The following TANC2 variants were observed in gnomAD, a reference collection of about 807,000 sequenced individuals.
TANC2 encodes the protein tetratricopeptide repeat, ankyrin repeat and coiled-coil containing 2.
A neutral mutation model predicts 210.5 loss-of-function variants in TANC2; 26 were observed. The ratio of observed to expected loss-of-function variants is 0.12; its 90% confidence interval spans 0.09 to 0.17. The LOEUF (loss-of-function observed/expected upper bound fraction) is 0.17, where lower values mean the gene tolerates loss of function less well. TANC2 is among the 10% of genes least tolerant of loss of function. TANC2 has a pLI of 1.00. For missense variants in TANC2, 2,129 were observed against 2,608.9 expected (o/e 0.82, Z 4.01); for synonymous variants, 931 against 967.1 (o/e 0.96, Z 0.69).
intron 3 of TANC2, among the ~76,000 whole-genome samples, chr17:63,087,728 G>T (rs2037027806): frequency 6.6e-6 from 1 of 152,026 alleles, no homozygotes; most frequent in Non-Finnish European, 1.5e-5. Context: ...TCAGAATTTT[G>T]ATTTCTCAGG....
chr17:62,977,591 A>G (rs2032078340), intron 1 of TANC2, among the ~76,000 whole-genome samples: 1 of 151,846 alleles, frequency 6.6e-6, no homozygotes, highest in African/African-American at 2.4e-5. Flanking sequence ...ATTACTTATA[A>G]TGGGCAGCTG....
chr17:63,262,485 C>T (rs2043394345), intron 8 of TANC2, among the ~76,000 whole-genome samples: 1 of 152,190 alleles, frequency 6.6e-6, no homozygotes. Flanking sequence ...CCACCGCACC[C>T]AGCTGATATT....
intron 7 of TANC2, among the ~76,000 whole-genome samples, chr17:63,203,815 T>G (rs1024060549): frequency 6.6e-6 from 1 of 151,652 alleles, no homozygotes; most frequent in Non-Finnish European, 1.5e-5. Flanking sequence ...GTCAGATAAA[T>G]AGGAGAAAAC....
intron 21 of TANC2, 101 bp from the exon 22 acceptor site, chr17:63,411,410 C>A: frequency 8.6e-7 from 1 of 1,161,498 alleles, no homozygotes; most frequent in Non-Finnish European, 1.2e-6. Flanking sequence ...AGTCCAGAAA[C>A]GAGCAGTGTT....
At chr17:63,260,051 AG>A (rs1192716713) in intron 8 of TANC2, among the ~76,000 whole-genome samples, 29 of 152,234 alleles carry the variant, frequency 1.9e-4, no homozygotes, top group Admixed American at 1.8e-3. Flanking sequence ...GCCATAAAAC[AG>A]AATTAAAAGA....
At chr17:63,091,397 A>G (rs1424109322) in intron 3 of TANC2, among the ~76,000 whole-genome samples, 5 of 152,212 alleles carry the variant, frequency 3.3e-5, no homozygotes, top group Non-Finnish European at 7.3e-5. Flanking sequence ...ATAAGGTGAA[A>G]GGAAGGGATC....
At chr17:63,015,103 T>C (rs2034045289) in intron 2 of TANC2, among the ~76,000 whole-genome samples, 1 of 150,942 alleles carries the variant, frequency 6.6e-6, no homozygotes. Flanking sequence ...TCATGGCTTA[T>C]TTTTGGGGTT....
chr17:63,260,267 T>G (rs2043317814), intron 8 of TANC2, among the ~76,000 whole-genome samples: 1 of 152,234 alleles, frequency 6.6e-6, no homozygotes. Context: ...AGGATCTGAA[T>G]AGATCAGGAT....
intron 26 of TANC2, among the ~76,000 whole-genome samples, chr17:63,416,498 C>T (rs2048865233): frequency 6.6e-6 from 1 of 152,226 alleles, no homozygotes; most frequent in Non-Finnish European, 1.5e-5. Context: ...ATTTGAACCT[C>T]ATGGCCAGGG....
chr17:63,200,822 A>G, exon 7 of TANC2: 1 of 1,613,878 alleles, frequency 6.2e-7, no homozygotes, highest in Non-Finnish European at 8.5e-7. Context: ...GACTAGCAGC[A>G]CTGCCTCTCC....
chr17:63,391,612 T>G (rs2047976920), intron 17 of TANC2: 1 of 152,156 alleles, frequency 6.6e-6, no homozygotes, highest in Non-Finnish European at 1.5e-5. Flanking sequence ...CCTCCCTACA[T>G]TCTACCAAGC....
At chr17:63,093,347 C>G (rs1222771163) in intron 3 of TANC2, among the ~76,000 whole-genome samples, 1 of 152,034 alleles carries the variant, frequency 6.6e-6, no homozygotes, top group Non-Finnish European at 1.5e-5. Context: ...GGTCTAGTAG[C>G]TAACAAAATT....
chr17:63,076,947 A>G (rs1437952418), intron 3 of TANC2, among the ~76,000 whole-genome samples: 1 of 152,206 alleles, frequency 6.6e-6, no homozygotes, highest in Non-Finnish European at 1.5e-5. Context: ...AATAGTTGTC[A>G]AAAGAAACAC....
intron 9 of TANC2, among the ~76,000 whole-genome samples, chr17:63,308,640 T>A (rs2045008572): frequency 6.6e-6 from 1 of 152,248 alleles, no homozygotes; most frequent in Non-Finnish European, 1.5e-5. Flanking sequence ...TACTTTGTTT[T>A]CATTTTCTAA....
chr17:63,295,043 C>T (rs968913967), intron 9 of TANC2, among the ~76,000 whole-genome samples: 4 of 152,106 alleles, frequency 2.6e-5, no homozygotes, highest in African/African-American at 4.8e-5. Context: ...CATTCATCCC[C>T]GTAATGCAGG....
chr17:62,971,783 A>G (rs2031709570), intron 1 of TANC2, among the ~76,000 whole-genome samples: 2 of 152,174 alleles, frequency 1.3e-5, no homozygotes, highest in Admixed American at 6.5e-5. Context: ...TTAGATTCTC[A>G]TAGGAGCTTG....
chr17:63,372,637 A>AGCT (rs2047304494), intron 14 of TANC2, among the ~76,000 whole-genome samples: 1 of 152,208 alleles, frequency 6.6e-6, no homozygotes, highest in South Asian at 2.1e-4. Context: ...CTGTCTCACA[A>AGCT]AGAGGTTCAG....
At chr17:63,013,247 A>G (rs1050805771) in intron 2 of TANC2, among the ~76,000 whole-genome samples, 1 of 151,994 alleles carries the variant, frequency 6.6e-6, no homozygotes, top group African/African-American at 2.4e-5. Flanking sequence ...TACTTCTAGG[A>G]TACTTTTATG....
rs111920858 is a variant in TANC2 at position 63,353,750 on chromosome 17, C to T, written c.1975-1033C>T. 7.4e-3 allele frequency among the ~76,000 whole-genome samples: 1,132 copies of T among 152,152 alleles called. 14 individuals carry two copies. Among genetic ancestry groups the T allele is most frequent in the African/African-American group, 0.025 (1,030 of 41,508 alleles). On this transcript the variant is annotated intron_variant, in intron 13 of 27. Transcript: ENST00000689528. The stretch of plus-strand genomic sequence containing the variant: ...AAGAGAGAAAAGAGGGGAACGTTCT[C>T]TGGGAGCAAGCTGCAGAAAGTGACT...
Sources: gnomAD v4.1 joint callset for allele counts (sites outside exome capture counted in the v4.1 genomes callset) on GRCh38, gnomAD v4.1.1 for gene constraint, MANE v1.5 for transcripts, NCBI Gene and HGNC (gene_info 2026-07-23, HGNC 2026-07-21) for gene names.